The following NCOA6 variants were observed in gnomAD, a reference collection of about 807,000 sequenced individuals.
NCOA6 encodes the protein NRC RAP250.
A neutral mutation model predicts 171.4 loss-of-function variants in NCOA6; 49 were observed. The ratio of observed to expected loss-of-function variants is 0.29; its 90% confidence interval spans 0.23 to 0.36. The LOEUF is 0.36. Ranked by LOEUF, NCOA6 falls within the 10% of genes least tolerant of loss-of-function variation. The pLI, the probability that NCOA6 is intolerant of heterozygous loss-of-function variation, is 1.00. For missense variants in NCOA6, 2,248 were observed against 2,554.5 expected (o/e 0.88, Z 2.59); for synonymous variants, 910 against 927.5 (o/e 0.98, Z 0.34).
chr20:34,741,451 G>C lies in NCOA6; in HGVS notation c.4805C>G (p.Thr1602Ser). The change falls in exon 11 of 15, where the codon ACT (threonine) becomes AGT (serine). Residue 1602 changes from threonine (T) to serine (S), a missense_variant. This residue lies in a region of NCOA6 where 884 missense variants were observed against 941.9 expected (regional missense o/e 0.94). Coordinates refer to ENST00000359003, the MANE Select transcript of NCOA6 (RefSeq NM_014071.5). ...AGCTGAAGTTGTGATGGGATTGGAA[G>C]TGACAAATACAGTTATTTGATTTGG... ...LPPNQITVFV[T>S]SNPITTSANT... 1.9e-6 allele frequency: 3 copies of C among 1,614,214 alleles called. No homozygotes were observed. The highest frequency in any genetic ancestry group is 2.5e-6 in the Non-Finnish European group (3 of 1,180,044).
At chr20:34,746,737 G>A (rs529707791) in intron 10 of NCOA6, 70 bp downstream of exon 10, 62 of 1,453,594 alleles carry the variant, frequency 4.3e-5, no homozygotes, top group African/African-American at 5.7e-5. Context: ...TTGTTTCCTT[G>A]AAGACATGGA....
intron 7 of NCOA6, among the ~76,000 whole-genome samples, chr20:34,756,227 T>C (rs932014417): frequency 6.6e-6 from 1 of 152,168 alleles, no homozygotes. Context: ...ACAGTGAAAT[T>C]TGGAGCTGAA....
At chr20:34,790,408 G>A (rs1301969985) in intron 2 of NCOA6, among the ~76,000 whole-genome samples, 1 of 152,092 alleles carries the variant, frequency 6.6e-6, no homozygotes, top group African/African-American at 2.4e-5. Context: ...AGGCTGGAAT[G>A]CAGTGGTGTG....
At chr20:34,788,778 T>C (rs1006724836) in intron 2 of NCOA6, among the ~76,000 whole-genome samples, 1 of 152,180 alleles carries the variant, frequency 6.6e-6, no homozygotes, top group East Asian at 1.9e-4. Flanking sequence ...AAACCCCGTC[T>C]CTACTAAAAA....
At chr20:34,781,857 T>C (rs1327358448) in intron 3 of NCOA6, among the ~76,000 whole-genome samples, 1 of 152,182 alleles carries the variant, frequency 6.6e-6, no homozygotes, top group Non-Finnish European at 1.5e-5. Flanking sequence ...ACAAATAAAT[T>C]TGGGTCTTGA....
chr20:34,793,248 G>A (rs915631503), intron 1 of NCOA6, among the ~76,000 whole-genome samples: 5 of 151,846 alleles, frequency 3.3e-5, no homozygotes, highest in African/African-American at 1.2e-4. Flanking sequence ...TTAACATCAG[G>A]TCACACTATC....
At chr20:34,738,998 A>C in intron 11 of NCOA6, 1 of 453,890 alleles carries the variant, frequency 2.2e-6, no homozygotes, top group South Asian at 1.5e-5. Flanking sequence ...TCCCAGCTCT[A>C]GCAGTGTGTG....
chr20:34,807,579 A>G (rs917091937), intron 1 of NCOA6, among the ~76,000 whole-genome samples: 2 of 152,098 alleles, frequency 1.3e-5, no homozygotes, highest in Non-Finnish European at 2.9e-5. Flanking sequence ...AGGCTGGAGC[A>G]CAGTGGTGCA....
At position 34,732,562 on chromosome 20, in the gene NCOA6, T is replaced by G. The variant is rs780012820; in HGVS notation, c.5996A>C (p.Gln1999Pro). The part of the protein sequence containing the change: ...LEVNAAIVSG[Q>P]SSEPKEIVEK... ...TCTGCAGAAATGATCATCTTACCTTTGTCCAGAGACTATGGCAGCATTTAC... is the reference window on the plus strand; with the variant it reads ...TCTGCAGAAATGATCATCTTACCTTGGTCCAGAGACTATGGCAGCATTTAC... The change falls in exon 13 of 15, where the codon CAA becomes CCA. Residue 1999 changes from glutamine to proline, a missense_variant. By Grantham distance (76) the Gln-to-Pro change is moderately conservative. Around this residue, in one of 7 missense-constraint regions of NCOA6, gnomAD observed 884 missense variants for 941.9 expected, o/e 0.94. Transcript: ENST00000359003. The G allele has an allele frequency of 9.9e-6, 16 of 1,613,628 alleles. No individual in the cohort carries two copies. The highest frequency in any genetic ancestry group is 8.5e-7 in the Non-Finnish European group (1 of 1,179,780).
At chr20:34,722,899 TG>T (rs1989545823) in intron 14 of NCOA6, among the ~76,000 whole-genome samples, 1 of 151,886 alleles carries the variant, frequency 6.6e-6, no homozygotes, top group Non-Finnish European at 1.5e-5. Flanking sequence ...GCCAGCAACC[TG>T]GGATGTTGAG....
At chr20:34,760,693 A>C (rs1270050735) in intron 5 of NCOA6, among the ~76,000 whole-genome samples, 7 of 152,264 alleles carry the variant, frequency 4.6e-5, no homozygotes, top group African/African-American at 7.2e-5. Flanking sequence ...TCAAGTTTTC[A>C]ATGTCTTACT....
At chr20:34,752,521 A>G (rs1452262177) in intron 8 of NCOA6, among the ~76,000 whole-genome samples, 4 of 152,230 alleles carry the variant, frequency 2.6e-5, no homozygotes, top group Non-Finnish European at 5.9e-5. Context: ...TAACAAACAG[A>G]CAAGTATTTT....
At chr20:34,772,439 G>C (rs2077180265) in intron 4 of NCOA6, among the ~76,000 whole-genome samples, 1 of 152,060 alleles carries the variant, frequency 6.6e-6, no homozygotes. Context: ...AAATATAATG[G>C]TCATCTTATA....
intron 1 of NCOA6, among the ~76,000 whole-genome samples, chr20:34,797,072 G>A (rs1344849474): frequency 1.3e-5 from 2 of 151,742 alleles, no homozygotes; most frequent in East Asian, 3.9e-4. Flanking sequence ...CTCCTTTTTT[G>A]AAGGGGGCTC....
rs2076170971 is a variant in NCOA6, at chr20:34,742,310, A to G, written c.3946T>C (p.Ser1316Pro). 1.2e-6 allele frequency: 2 copies of G among 1,614,170 alleles called. No individual in the cohort carries two copies. Among genetic ancestry groups the G allele is most frequent in the East Asian group, 4.5e-5 (2 of 44,882 alleles). ...DSVVVNSGKQSNSGATKRASP... is the reference protein window; with the variant it reads ...DSVVVNSGKQPNSGATKRASP... ...GCCCGTTTTGTTGCTCCAGAATTAG[A>G]CTGCTTTCCAGAATTCACTACCACA... The change falls in exon 11 of 15, where the codon TCT becomes CCT. Residue 1316 changes from serine to proline, a missense_variant. This residue lies in a region of NCOA6 where 884 missense variants were observed against 941.9 expected (regional missense o/e 0.94). Coordinates refer to ENST00000359003, the MANE Select transcript of NCOA6 (RefSeq NM_014071.5).
chr20:34,816,144 G>T (rs2078828145), intron 1 of NCOA6, among the ~76,000 whole-genome samples: 1 of 151,976 alleles, frequency 6.6e-6, no homozygotes, highest in East Asian at 1.9e-4. Context: ...TCATTCCTTT[G>T]GTTACTCTCT....
intron 5 of NCOA6, among the ~76,000 whole-genome samples, chr20:34,763,406 G>C (rs1395335756): frequency 1.3e-5 from 2 of 152,016 alleles, no homozygotes; most frequent in Non-Finnish European, 2.9e-5. Flanking sequence ...TTAAATTTCT[G>C]TAAGTTCTGT....
rs766448384 is a variant in NCOA6 at position 34,758,937 on chromosome 20, G to GA, written c.515-5dup. The GA allele has an allele frequency of 4.3e-6, 7 of 1,611,124 alleles. No individual in the cohort carries two copies. Among genetic ancestry groups the GA allele is most frequent in the South Asian group, 1.1e-5 (1 of 90,710 alleles). ...GGGTTGTTCATCCTTATTATTCCTA[G>GA]AAAAAAGATCCCTAAAATAGAGTAC... On this transcript the variant is annotated splice_polypyrimidine_tract_variant and splice_region_variant and intron_variant, in intron 5 of 14. Coordinates refer to ENST00000359003, the MANE Select transcript of NCOA6 (RefSeq NM_014071.5).
Position 34,740,522 on chromosome 20 carries a change from T to C in NCOA6, c.5734A>G (p.Thr1912Ala). Residue 1912 changes from threonine (T) to alanine (A), a missense_variant, in exon 11 of 15, where the codon ACC (threonine) becomes GCC (alanine). By Grantham distance (58) the Thr-to-Ala change is moderately conservative (BLOSUM62 0). This residue lies in a region of NCOA6 where 884 missense variants were observed against 941.9 expected (regional missense o/e 0.94). Coordinates refer to ENST00000359003, the MANE Select transcript of NCOA6 (RefSeq NM_014071.5). The part of the protein sequence containing the change: ...GPSLPGGALP[T>A]SVRSIVTTLV... ...GTGGTTACTATCGAGCGTACACTGGTGGGGAGAGCACCGCCAGGTAAGCTG... is the reference window on the plus strand; with the variant it reads ...GTGGTTACTATCGAGCGTACACTGGCGGGGAGAGCACCGCCAGGTAAGCTG... 2 of 1,614,072 alleles carry C rather than the reference T, an allele frequency of 1.2e-6. No individual in the cohort carries two copies. Among genetic ancestry groups the C allele is most frequent in the Non-Finnish European group, 1.7e-6 (2 of 1,180,018 alleles).
Sources: allele counts gnomAD v4.1 joint callset (sites outside exome capture counted in the v4.1 genomes callset), GRCh38; gene constraint gnomAD v4.1.1; regional missense constraint gnomAD v4.1.1; transcripts MANE v1.5; gene names NCBI Gene and HGNC (gene_info 2026-07-23, HGNC 2026-07-21).